The following ADGRE2 variants were observed in gnomAD, a reference collection of about 807,000 sequenced individuals.
ADGRE2 encodes the protein CD97 antigen.
A neutral mutation model predicts 100.8 loss-of-function variants in ADGRE2; 83 were observed. The ratio of observed to expected loss-of-function variants is 0.82; its 90% CI spans 0.69 to 0.99. ADGRE2 has a LOEUF of 0.99. Among genes scored for constraint, ADGRE2 ranks in the 50% least tolerant of loss-of-function variants. ADGRE2 has a pLI of 0.00. For missense variants in ADGRE2, 814 were observed against 1,035.7 expected, an observed-to-expected ratio of 0.79 and a Z score of 2.94; for synonymous variants, 355 against 413.0, an observed-to-expected ratio of 0.86 and a Z score of 1.70.
In ADGRE2 at chr19:14,752,906, G is replaced by A. The variant is rs555049171; in HGVS notation, c.1591-380C>T. On this transcript the variant is annotated intron_variant, in intron 14 of 20. Coordinates refer to ENST00000315576, the MANE Select transcript of ADGRE2 (RefSeq NM_013447.4). ...CGTGTCTCAGCCTCCCAAGTAGTTGGGATTACAGGCACGTGCCTCCATGCC... is the reference window on the plus strand; with the variant it reads ...CGTGTCTCAGCCTCCCAAGTAGTTGAGATTACAGGCACGTGCCTCCATGCC... Among the ~76,000 whole-genome samples, 5 of 151,974 alleles carry A rather than the reference G, an allele frequency of 3.3e-5. No individual in the cohort carries two copies. The South Asian group carries it at 1.0e-3, about 32-fold the overall frequency.
In ADGRE2 at chr19:14,751,695, C is replaced by T. The variant is rs749620279; in HGVS notation, c.1789-24G>A. 4 of 1,581,586 alleles carry T rather than the reference C, an allele frequency of 2.5e-6. No homozygotes were observed. The African/African-American group carries it at 5.4e-5, about 21-fold the overall frequency. ...ACCTGGCGGAGAAGTAAAAGACGCC[C>T]AGAGCGGCGATCAGATTTGAGTGTG... is the stretch of plus-strand genomic sequence containing the variant. On this transcript the variant is annotated intron_variant, in intron 15 of 20. Coordinates refer to ENST00000315576, the MANE Select transcript of ADGRE2 (RefSeq NM_013447.4).
rs1247096147 is a variant in ADGRE2, at chr19:14,752,525, T to C, written c.1592A>G (p.Glu531Gly). 6.2e-7 allele frequency: 1 copy of C among 1,613,934 alleles called. No homozygotes were observed. The highest frequency in any genetic ancestry group is 2.2e-5 in the East Asian group (1 of 44,870). The change falls in exon 15 of 21, where the codon GAG becomes GGG. Residue 531 changes from glutamate to glycine, a missense_variant and splice_region_variant. This residue lies in a region of ADGRE2 where 569 missense variants were observed against 692.7 expected (regional missense o/e 0.82). Coordinates refer to ENST00000315576, the MANE Select transcript of ADGRE2 (RefSeq NM_013447.4). ...AVLMAHYDVQEEDPVLTVITY... is the reference protein window; with the variant it reads ...AVLMAHYDVQGEDPVLTVITY... ...GATGACAGTCAGCACGGGATCCTCC[T>C]CCTGGGACCCGGAAAAGAAGAGTTC...
At chr19:14,739,451 C>T (rs985083910) in intron 20 of ADGRE2, among the ~76,000 whole-genome samples, 2 of 152,148 alleles carry the variant, frequency 1.3e-5, no homozygotes, top group African/African-American at 4.8e-5. Context: ...ACTCTAATTC[C>T]CTACACAAAA....
chr19:14,771,657 T>TTTATTTATTTATTTATTTAG, intron 5 of ADGRE2, among the ~76,000 whole-genome samples: 1 of 151,690 alleles, frequency 6.6e-6, no homozygotes, highest in African/African-American at 2.4e-5. Flanking sequence ...TATTTATTTA[T>TTTATTTATTTATTTATTTAG]TTTAGATGGA....
chr19:14,737,073 C>T (rs2042780074), intron 20 of ADGRE2, among the ~76,000 whole-genome samples: 1 of 150,464 alleles, frequency 6.6e-6, no homozygotes, highest in Non-Finnish European at 1.5e-5. Flanking sequence ...TAATTTGCTT[C>T]ACATATAGAT....
rs559754595 is a variant in ADGRE2, at chr19:14,765,644, G to A, written c.781+14C>T. The stretch of plus-strand genomic sequence containing the variant: ...GTGTGCTGGGGGTGGGGAGCTTCTA[G>A]GGCCAGGTCATACCTTCACAGACAG... On this transcript the variant is annotated intron_variant, in intron 8 of 20. Coordinates refer to ENST00000315576, the MANE Select transcript of ADGRE2 (RefSeq NM_013447.4). 40 of 1,614,208 alleles carry A rather than the reference G, an allele frequency of 2.5e-5. No individual in the cohort carries two copies. The East Asian group carries it at 8.2e-4, about 33-fold the overall frequency.
In ADGRE2 at chr19:14,755,767, C is replaced by T. The variant is rs771210576; in HGVS notation, c.1303G>A (p.Gly435Ser). 2.1e-5 allele frequency: 34 copies of T among 1,614,178 alleles called. No homozygotes were observed. Among genetic ancestry groups the T allele is most frequent in the Non-Finnish European group, 2.9e-5 (34 of 1,180,032 alleles). The change falls in exon 13 of 21, where the codon GGC (glycine) becomes AGC (serine). Residue 435 changes from glycine (G) to serine (S), a missense_variant. Around this residue, in one of 5 missense-constraint regions of ADGRE2, gnomAD observed 569 missense variants for 692.7 expected, o/e 0.82. Transcript: ENST00000315576. ...KQMLLHETHQ[G>S]LLQDGSPILL... ...ATGGGGGAGCCGTCCTGCAGCAAGC[C>T]CTGGTGTGTCTCATGCAGAAGCATC...
At chr19:14,726,633 C>T in the ADGRE2 span, among the ~76,000 whole-genome samples, 1 of 152,202 alleles carries the variant, frequency 6.6e-6, no homozygotes, top group African/African-American at 2.4e-5. Context: ...ATTTCTCCCA[C>T]CAGACACTCT....
intron 10 of ADGRE2, among the ~76,000 whole-genome samples, chr19:14,764,977 A>G (rs2043899487): frequency 6.6e-6 from 1 of 152,158 alleles, no homozygotes; most frequent in Admixed American, 6.5e-5. Context: ...AGATCGGGCC[A>G]CTAAACTCTG....
chr19:14,742,600 C>G (rs1249250376), intron 20 of ADGRE2, among the ~76,000 whole-genome samples: 1 of 152,156 alleles, frequency 6.6e-6, no homozygotes, highest in Non-Finnish European at 1.5e-5. Context: ...TGCCCACTAC[C>G]CACTACTAAG....
chr19:14,730,332 G>T (rs184286468), downstream of ADGRE2, among the ~76,000 whole-genome samples: 7 of 152,206 alleles, frequency 4.6e-5, no homozygotes, highest in Admixed American at 3.3e-4. Context: ...TGGGATTACA[G>T]GTGTGAACCA....
intron 6 of ADGRE2, 61 bp downstream of exon 6, chr19:14,766,917 C>T (rs2044003443): frequency 1.9e-6 from 3 of 1,576,076 alleles, no homozygotes; most frequent in Admixed American, 1.8e-5. Context: ...CTTTGGAGGA[C>T]CTGACTCAGC....
intron 20 of ADGRE2, among the ~76,000 whole-genome samples, chr19:14,742,941 T>A (rs975048844): frequency 2.0e-4 from 28 of 142,880 alleles, no homozygotes; most frequent in South Asian, 6.3e-4. Context: ...TTTTTTTTTT[T>A]TAATTTTTGG....
rs769125578 is a variant in ADGRE2 at position 14,774,259 on chromosome 19, T to C, written c.79A>G (p.Arg27Gly). Reference protein sequence around the residue: ...TLPGAETQDSRGCARWCPQDS... With the variant: ...TLPGAETQDSGGCARWCPQDS... ...TTCTGCTTCCCAGCAGACTCACCCC[T>C]GGAGTCCTGGGTTTCAGCTCCCGGC... Residue 27 changes from arginine (R) to glycine (G), a missense_variant, in exon 3 of 21, where the codon AGG (arginine) becomes GGG (glycine). Transcript: ENST00000315576. The C allele has an allele frequency of 7.6e-6, 12 of 1,574,178 alleles. No individual in the cohort carries two copies. In the African/African-American group the frequency reaches 8.1e-5, roughly 11 times the overall value.
chr19:14,751,979 G>A (rs899866212), intron 15 of ADGRE2, among the ~76,000 whole-genome samples: 7 of 148,940 alleles, frequency 4.7e-5, no homozygotes, highest in African/African-American at 1.5e-4. Flanking sequence ...TGTTGCCCAG[G>A]CTGGCATGCA....
At chr19:14,755,550 A>G in intron 13 of ADGRE2, 104 bp downstream of exon 13, 2 of 1,008,032 alleles carry the variant, frequency 2.0e-6, no homozygotes, top group Non-Finnish European at 3.1e-6. Context: ...TGGGGAGATA[A>G]TGTACCCATA....
At chr19:14,765,247 C>G (rs891183997) in intron 10 of ADGRE2, 73 bp downstream of exon 10, 22 of 1,562,744 alleles carry the variant, frequency 1.4e-5, no homozygotes, top group Non-Finnish European at 1.8e-5. Context: ...CTCCCAGACC[C>G]AAACTGCCCC....
intron 17 of ADGRE2, among the ~76,000 whole-genome samples, chr19:14,746,557 T>G (rs2043099023): frequency 6.6e-6 from 1 of 151,962 alleles, no homozygotes; most frequent in South Asian, 2.1e-4. Context: ...GAGACAGGGT[T>G]TCACCATGTT....
At chr19:14,745,883 G>T (rs558021264) in intron 18 of ADGRE2, among the ~76,000 whole-genome samples, 49 of 152,314 alleles carry the variant, frequency 3.2e-4, no homozygotes, top group Non-Finnish European at 6.0e-4. Flanking sequence ...TCACTTAAGA[G>T]AGTGACCTCC....
Sources: allele counts gnomAD v4.1 joint callset (sites outside exome capture counted in the v4.1 genomes callset), GRCh38; gene constraint gnomAD v4.1.1; regional missense constraint gnomAD v4.1.1; transcripts MANE v1.5; gene names NCBI Gene and HGNC (gene_info 2026-07-23, HGNC 2026-07-21).